Variants in NRG1 observed in about 807,000 individuals in gnomAD.
NRG1 encodes the protein neuregulin 1, also known as pro-neuregulin-1, membrane-bound isoform.
NRG1 carries 18 observed loss-of-function variants against 63.8 expected under a neutral mutation model. That is an observed-to-expected ratio of 0.28 (90% CI 0.19 to 0.42). NRG1 has a LOEUF of 0.42. Ranked by LOEUF, NRG1 falls within the 10% of genes least tolerant of loss-of-function variation. The pLI is 1.00. For synonymous variants in NRG1, 302 were observed against 301.3 expected (o/e 1.00, Z -0.02); for missense variants, 762 against 814.7 (o/e 0.94, Z 0.79).
chr8:31,809,392 ATG>A (rs202016849), intron 1 of NRG1, among the ~76,000 whole-genome samples: 10 of 136,946 alleles, frequency 7.3e-5, no homozygotes, highest in Non-Finnish European at 1.1e-4. Flanking sequence ...GTGTATATAT[ATG>A]TGTGTGTGTG....
At chr8:32,207,161 G>T (rs1400937465) in intron 1 of NRG1, among the ~76,000 whole-genome samples, 1 of 152,086 alleles carries the variant, frequency 6.6e-6, no homozygotes, top group African/African-American at 2.4e-5. Context: ...TTTGGAGGAA[G>T]TAAGCCTCTA....
chr8:32,247,400 T>C (rs1465672232), intron 1 of NRG1, among the ~76,000 whole-genome samples: 1 of 152,098 alleles, frequency 6.6e-6, no homozygotes, highest in Non-Finnish European at 1.5e-5. Flanking sequence ...CTCTTCTGAG[T>C]TGGCAATGAC....
chr8:32,225,251 C>A (rs4733309), intron 1 of NRG1, among the ~76,000 whole-genome samples: 2 of 151,986 alleles, frequency 1.3e-5, no homozygotes, highest in Non-Finnish European at 1.5e-5. Flanking sequence ...AGTTACTGCA[C>A]GGCTAACTGC....
intron 1 of NRG1, among the ~76,000 whole-genome samples, chr8:31,764,393 C>T (rs1226501804): frequency 1.3e-5 from 2 of 152,128 alleles, no homozygotes; most frequent in South Asian, 4.1e-4. Flanking sequence ...ATGATGACTT[C>T]CCTCCTGACC....
intron 1 of NRG1, among the ~76,000 whole-genome samples, chr8:32,250,930 G>A (rs1215470472): frequency 1.3e-5 from 2 of 151,922 alleles, no homozygotes; most frequent in Non-Finnish European, 2.9e-5. Context: ...TATTTAGTTA[G>A]TTATTCAACA....
intron 1 of NRG1, among the ~76,000 whole-genome samples, chr8:32,042,449 A>G (rs1222275854): frequency 6.6e-6 from 1 of 152,010 alleles, no homozygotes; most frequent in East Asian, 1.9e-4. Flanking sequence ...TAAAAATTAA[A>G]AAAAACAAAA....
chr8:32,105,087 C>T (rs925557119), intron 1 of NRG1, among the ~76,000 whole-genome samples: 1 of 152,000 alleles, frequency 6.6e-6, no homozygotes, highest in African/African-American at 2.4e-5. Flanking sequence ...GGTATGTTTA[C>T]GCTAGCATCA....
intron 1 of NRG1, among the ~76,000 whole-genome samples, chr8:31,956,446 T>C (rs571336414): frequency 1.3e-4 from 20 of 151,906 alleles, no homozygotes; most frequent in African/African-American, 4.1e-4. Flanking sequence ...TGAAACCCCA[T>C]CTCTACTAAA....
At chr8:32,331,365 C>A (rs898798375) in intron 1 of NRG1, among the ~76,000 whole-genome samples, 136 of 115,434 alleles carry the variant, frequency 1.2e-3, no homozygotes, top group East Asian at 2.3e-3. Context: ...ACAAAAAATA[C>A]AAAAAAAAAA....
At chr8:31,688,316 T>C (rs1476930120) in intron 1 of NRG1, among the ~76,000 whole-genome samples, 1 of 152,144 alleles carries the variant, frequency 6.6e-6, no homozygotes, top group Non-Finnish European at 1.5e-5. Context: ...AGTGCCCTTA[T>C]ATAAAAGGGC....
intron 1 of NRG1, among the ~76,000 whole-genome samples, chr8:32,264,463 T>C (rs959552723): frequency 6.6e-6 from 1 of 152,138 alleles, no homozygotes; most frequent in South Asian, 2.1e-4. Flanking sequence ...AGCTTTCTAG[T>C]AAGCAAAAAC....
In NRG1 at chr8:32,616,893, T is replaced by C. The variant is rs1290247187; in HGVS notation, c.502+8T>C. Reference sequence around the variant, plus strand: ...GAGCAAATACTTCTTCATGTAAGTATACTTAAATATTCTATTCACTGGTTT... The same window carrying C: ...GAGCAAATACTTCTTCATGTAAGTACACTTAAATATTCTATTCACTGGTTT... On this transcript the variant is annotated splice_region_variant and intron_variant, in intron 5 of 11. Coordinates refer to ENST00000356819, the Ensembl canonical transcript of NRG1. 2 of 1,568,262 alleles carry C rather than the reference T, an allele frequency of 1.3e-6. No individual in the cohort carries two copies. The highest frequency in any genetic ancestry group is 8.8e-7 in the Non-Finnish European group (1 of 1,138,706).
chr8:32,605,656 G>A, exon 3 of NRG1: 1 of 1,613,236 alleles, frequency 6.2e-7, no homozygotes, highest in Non-Finnish European at 8.5e-7. Context: ...CAGTGCCTCT[G>A]CCAATATCAC....
intron 1 of NRG1, among the ~76,000 whole-genome samples, chr8:31,710,377 G>T (rs1410397382): frequency 6.6e-6 from 1 of 151,762 alleles, no homozygotes; most frequent in Non-Finnish European, 1.5e-5. Flanking sequence ...AAAGAAGATA[G>T]GTCTTTTTAT....
chr8:31,685,819 T>C (rs1808827303), intron 1 of NRG1, among the ~76,000 whole-genome samples: 1 of 152,200 alleles, frequency 6.6e-6, no homozygotes, highest in African/African-American at 2.4e-5. Context: ...ATCCATGTTG[T>C]AGTGTGTGTG....
At chr8:32,026,065 CTT>C (rs1200629616) in intron 1 of NRG1, among the ~76,000 whole-genome samples, 1 of 92,608 alleles carries the variant, frequency 1.1e-5, no homozygotes, top group Non-Finnish European at 2.0e-5. Context: ...CATATACAAT[CTT>C]TTTTTCTTTT....
intron 1 of NRG1, among the ~76,000 whole-genome samples, chr8:32,549,961 A>C (rs570321612): frequency 6.6e-6 from 1 of 152,216 alleles, no homozygotes; most frequent in Non-Finnish European, 1.5e-5. Context: ...GAATTAATTC[A>C]CTAGTACTTG....
intron 1 of NRG1, among the ~76,000 whole-genome samples, chr8:32,339,737 A>G (rs1188139168): frequency 6.6e-6 from 1 of 152,216 alleles, no homozygotes; most frequent in Non-Finnish European, 1.5e-5. Context: ...GTCACCGCCA[A>G]TAAGTATTAG....
intron 5 of NRG1, among the ~76,000 whole-genome samples, chr8:32,618,598 A>G (rs1847790972): frequency 6.6e-6 from 1 of 152,224 alleles, no homozygotes; most frequent in African/African-American, 2.4e-5. Flanking sequence ...TGATATTAAA[A>G]TATTTCAATG....
Sources: allele counts gnomAD v4.1 joint callset (sites outside exome capture counted in the v4.1 genomes callset), GRCh38; gene constraint gnomAD v4.1.1; transcripts MANE v1.5; gene names NCBI Gene and HGNC (gene_info 2026-07-23, HGNC 2026-07-21).